INTS1: variants seen among roughly 807,000 people sequenced by gnomAD.
The protein encoded by INTS1 is integrator complex subunit 1.
INTS1 carries 137 observed loss-of-function variants against 241.6 expected under a neutral mutation model. The ratio of observed to expected loss-of-function variants is 0.57; its 90% CI spans 0.49 to 0.65. The LOEUF is 0.65. INTS1 is among the 30% of genes least tolerant of loss of function. The probability of loss-of-function intolerance (pLI) is 0.00; values close to 1 mark genes in which losing one functional copy is unlikely to be tolerated. For missense variants in INTS1, 3,073 were observed against 3,032.2 expected (o/e 1.01, Z -0.32); for synonymous variants, 1,692 against 1,337.8 (o/e 1.26, Z -5.78).
At chr7:1,496,996 CA>C (rs59447215) in intron 11 of INTS1, 141 bp downstream of exon 11, 1 of 857,384 alleles carries the variant, frequency 1.2e-6, no homozygotes, top group African/African-American at 1.7e-5. Flanking sequence ...CGCGTCACCG[CA>C]AACAGCCTCA....
In INTS1 at chr7:1,498,781, C is replaced by A; in HGVS notation, c.1209G>T (p.Met403Ile). The change falls in exon 9 of 48, where the codon ATG (methionine) becomes ATT (isoleucine). Residue 403 changes from methionine (M) to isoleucine (I), a missense_variant. Physicochemically the swap from Met to Ile is conservative, Grantham distance 10. Transcript: ENST00000404767. ...TCTTGATCAGGTGTGAGATGACGTC[C>A]ATGTCTTCGGAACCGTGCGTGTTGC... ...MNCNTHGSED[M>I]DVISHLIKIR... is the part of the protein sequence containing the mutation. 6.3e-7 allele frequency: 1 copy of A among 1,594,800 alleles called. No individual in the cohort carries two copies. The highest frequency in any genetic ancestry group is 2.3e-5 in the East Asian group (1 of 43,976).
intron 16 of INTS1, among the ~76,000 whole-genome samples, chr7:1,491,405 G>A (rs1237521608): frequency 2.6e-5 from 4 of 152,188 alleles, no homozygotes; most frequent in Non-Finnish European, 5.9e-5. Flanking sequence ...CAGGAATGAA[G>A]CCGGACCCCT....
chr7:1,472,161 C>G, intron 44 of INTS1, 112 bp downstream of exon 44: 1 of 794,080 alleles, frequency 1.3e-6, no homozygotes, highest in African/African-American at 1.7e-5. Flanking sequence ...CACAGCCCAG[C>G]GTGGGCCAGG....
Position 1,484,158 on chromosome 7 carries a change from G to A in INTS1, c.3274C>T (p.Leu1092=). 6.2e-7 allele frequency: 1 copy of A among 1,610,362 alleles called. No individual in the cohort carries two copies. Among genetic ancestry groups the A allele is most frequent in the Non-Finnish European group, 8.5e-7 (1 of 1,179,144 alleles). The change falls in exon 25 of 48, where the codon CTG becomes TTG. Residue 1092 remains leucine, a synonymous_variant. Transcript: ENST00000404767. ...HSDLALDVAR[L]VVERSTIMSH... is the part of the protein sequence containing the mutation. ...ATGATGGTGGAGCGCTCCACGACCA[G>A]CCGGGCCACGTCCTGGTGTGTGGAC...
Position 1,497,430 on chromosome 7 carries a change from A to G in INTS1, c.1426-116T>C. The G allele has an allele frequency of 8.9e-7, 1 of 1,125,240 alleles. No homozygotes were observed. The highest frequency in any genetic ancestry group is 1.2e-6 in the Non-Finnish European group (1 of 814,458). The allele number at this position is 1,125,240 out of a possible 1,614,324, so 69.7% of individuals were successfully genotyped here. On this transcript the variant is annotated intron_variant, in intron 10 of 47. Coordinates refer to ENST00000404767, the MANE Select transcript of INTS1 (RefSeq NM_001080453.3). The surrounding 1 kb of genome is among the most constrained non-coding windows in gnomAD (Gnocchi z 5.3). ...GAGGGCGCTGCAGTGGGTCTCAGAC[A>G]GTGTGGGGTGCGGGGTGGCGGGCTC...
intron 47 of INTS1, 62 bp downstream of exon 47, chr7:1,470,784 G>A (rs1470174455): frequency 2.7e-6 from 4 of 1,482,220 alleles, no homozygotes; most frequent in South Asian, 1.2e-5. Context: ...CCAGCCCTCG[G>A]GGGACGCACC....
chr7:1,495,312 G>T, intron 13 of INTS1, 121 bp downstream of exon 13: 1 of 1,210,092 alleles, frequency 8.3e-7, no homozygotes, highest in East Asian at 2.5e-5. Context: ...GTGGGGCAGG[G>T]GCTGTGCGGG....
At position 1,494,858 on chromosome 7, in the gene INTS1, G is replaced by A. The variant is rs1394764721; in HGVS notation, c.1868C>T (p.Thr623Ile). Reference protein sequence around the residue: ...HKVLFTEQPETYYKWDNWPPE... With the variant: ...HKVLFTEQPEIYYKWDNWPPE... ...TGGCCAGTTGTCCCACTTGTAGTAG[G>A]TCTCCGGCTGCTCTGTGAACAGCAC... The change falls in exon 14 of 48, where the codon ACC becomes ATC. Residue 623 changes from threonine to isoleucine, a missense_variant. Thr to Ile is a moderately conservative substitution (Grantham distance 89). Coordinates refer to ENST00000404767, the MANE Select transcript of INTS1 (RefSeq NM_001080453.3). 9.6e-6 allele frequency: 15 copies of A among 1,568,736 alleles called. No homozygotes were observed. Among genetic ancestry groups the A allele is most frequent in the Admixed American group, 1.9e-5 (1 of 53,440 alleles).
chr7:1,494,374 G>A (rs552701903), intron 14 of INTS1: 2 of 242,424 alleles, frequency 8.3e-6, no homozygotes, highest in African/African-American at 4.5e-5. Flanking sequence ...CGGGGCTGGA[G>A]GGGAGTGTAG....
At position 1,502,804 on chromosome 7, in the gene INTS1, T is replaced by C; in HGVS notation, c.349+97A>G. ...CCGCTCTCCCAAAGGACCTCGGCCA[T>C]ACGGGCAGCACTAGGCCTGGAGGGG... On this transcript the variant is annotated intron_variant, in intron 3 of 47. Coordinates refer to ENST00000404767, the MANE Select transcript of INTS1 (RefSeq NM_001080453.3). 2.2e-6 allele frequency: 3 copies of C among 1,351,544 alleles called. No individual in the cohort carries two copies. In the South Asian group the frequency reaches 3.8e-5, roughly 17 times the overall value. The allele number at this position is 1,351,544 out of a possible 1,614,324, so 83.7% of individuals were successfully genotyped here.
chr7:1,494,054 C>A, intron 14 of INTS1, 143 bp from the exon 15 acceptor site: 1 of 1,039,868 alleles, frequency 9.6e-7, no homozygotes, highest in Non-Finnish European at 1.4e-6. Context: ...CTATCCCCTC[C>A]AACCTGAGCC....
chr7:1,498,943 G>GGGGCGC, intron 8 of INTS1, 32 bp downstream of exon 8: 3 of 1,070,744 alleles, frequency 2.8e-6, no homozygotes, highest in Non-Finnish European at 3.8e-6. Context: ...CCCACCCCCT[G>GGGGCGC]CCCCGCCCAC....
rs371722747 is a variant in INTS1 at position 1,485,166 on chromosome 7, C to T, written c.3193G>A (p.Ala1065Thr). The change falls in exon 24 of 48, where the codon GCC becomes ACC. Residue 1065 changes from alanine (A) to threonine (T), a missense_variant. Physicochemically the swap from Ala to Thr is moderately conservative, Grantham distance 58. Transcript: ENST00000404767. ...HMETDPQTIS[A>T]YLIYLSQHTP... The stretch of plus-strand genomic sequence containing the variant: ...TGCTGGGACAAGTAGATCAGGTAGG[C>T]GCTGATGGTCTGGGGATCAGTCTCC... 2.6e-5 allele frequency: 41 copies of T among 1,600,662 alleles called. No individual in the cohort carries two copies. Among genetic ancestry groups the T allele is most frequent in the South Asian group, 3.3e-5 (3 of 91,062 alleles).
chr7:1,490,145 G>T (rs1436532208), intron 16 of INTS1, among the ~76,000 whole-genome samples: 1 of 152,216 alleles, frequency 6.6e-6, no homozygotes, highest in African/African-American at 2.4e-5. Context: ...GAGTGGGAAA[G>T]ACCACACCAG....
In INTS1 at chr7:1,476,223, G is replaced by C; in HGVS notation, c.5378+6C>G. ...GGCAGCATCTGGGGCCGGGGGGCCTGAGCACCTGTCTCCCCACTGCTGGAT... is the reference window on the plus strand; with the variant it reads ...GGCAGCATCTGGGGCCGGGGGGCCTCAGCACCTGTCTCCCCACTGCTGGAT... On this transcript the variant is annotated splice_donor_region_variant and intron_variant, in intron 38 of 47. Transcript: ENST00000404767. The C allele has an allele frequency of 4.5e-6, 7 of 1,548,584 alleles. No individual in the cohort carries two copies. Among genetic ancestry groups the C allele is most frequent in the Non-Finnish European group, 6.1e-6 (7 of 1,147,682 alleles).
chr7:1,500,274 G>A lies in INTS1; in HGVS notation c.442C>T (p.Gln148Ter). 6.2e-7 allele frequency: 1 copy of A among 1,600,394 alleles called. No homozygotes were observed. The highest frequency in any genetic ancestry group is 8.5e-7 in the Non-Finnish European group (1 of 1,173,592). ...IEGVLCGAVK[Q>*]LKVTRAKPDS... is the part of the protein sequence containing the mutation. The stretch of plus-strand genomic sequence containing the variant: ...GGCTTGGCGCGGGTGACCTTCAGCT[G>A]CTTCACGGCCCCGCACAGCACGCCC... Residue 148 changes from glutamine to a stop codon, truncating the protein, a stop_gained, in exon 4 of 48, where the codon CAG becomes TAG. Transcript: ENST00000404767. LOFTEE classifies it high-confidence loss of function.
chr7:1,502,792 G>A (rs1483840937), intron 3 of INTS1, 109 bp downstream of exon 3: 1 of 1,207,644 alleles, frequency 8.3e-7, no homozygotes, highest in Non-Finnish European at 1.2e-6. Flanking sequence ...CTCTCCCAAA[G>A]GACCTCGGCC....
At chr7:1,490,615 C>T (rs758529615) in intron 16 of INTS1, among the ~76,000 whole-genome samples, 1 of 152,206 alleles carries the variant, frequency 6.6e-6, no homozygotes, top group Admixed American at 6.5e-5. Flanking sequence ...GTGCACGGAT[C>T]GCAGGGCGTG....
At chr7:1,500,131 C>T (rs1458540190) in intron 4 of INTS1, 39 bp downstream of exon 4, 3 of 1,581,046 alleles carry the variant, frequency 1.9e-6, no homozygotes, top group Admixed American at 3.5e-5. Context: ...GCCAAGGGCC[C>T]CAGCGCTGCT....
Sources: gnomAD v4.1 joint callset for allele counts (sites outside exome capture counted in the v4.1 genomes callset) on GRCh38, gnomAD v4.1.1 for gene constraint, Gnocchi (gnomAD v3.1) non-coding constraint, MANE v1.5 for transcripts, NCBI Gene and HGNC (gene_info 2026-07-23, HGNC 2026-07-21) for gene names.